FAM178B: variants seen among roughly 807,000 people sequenced by gnomAD.
The protein encoded by FAM178B is family with sequence similarity 178 member B, also known as protein FAM178B.
A neutral mutation model predicts 91.7 loss-of-function variants in FAM178B; 82 were observed. That is an observed-to-expected ratio of 0.89 (90% CI 0.75 to 1.07). FAM178B has a LOEUF of 1.07. Ranked by LOEUF, FAM178B falls within the 50% of genes least tolerant of loss-of-function variation. The pLI is 0.00. For missense variants in FAM178B, 769 were observed against 846.7 expected (o/e 0.91, Z 1.14); for synonymous variants, 368 against 359.4 (o/e 1.02, Z -0.27).
Position 96,921,179 on chromosome 2 carries a change from CAT to C in FAM178B, c.1546_1547del (p.Met516AspfsTer70). 1.3e-6 allele frequency: 2 copies of C among 1,551,444 alleles called. No homozygotes were observed. The highest frequency in any genetic ancestry group is 1.7e-6 in the Non-Finnish European group (2 of 1,146,932). On this transcript the variant is annotated frameshift_variant, in exon 12 of 17. Coordinates refer to ENST00000490605, the MANE Select transcript of FAM178B (RefSeq NM_001122646.3). LOFTEE classifies it high-confidence loss of function. Reference protein sequence around the residue: ...LLALVQFFPDMTSRSRRLRSQ... With the variant: ...LLALVQFFPDXTSRSRRLRSQ... Reference sequence around the variant, plus strand: ...GCAGCACGCACCTGCTCCGGGAGGTCATGTCTGGGAAGAACTGCACGAGGGCC... The same window carrying C: ...GCAGCACGCACCTGCTCCGGGAGGTCGTCTGGGAAGAACTGCACGAGGGCC...
At chr2:96,971,806 G>T in intron 3 of FAM178B, 95 bp downstream of exon 3, 1 of 1,173,122 alleles carries the variant, frequency 8.5e-7, no homozygotes, top group South Asian at 1.8e-5. Flanking sequence ...AGCAGCTGGG[G>T]CGTGGCTCAG....
chr2:96,958,067 CTTTTT>C (rs66515058), intron 6 of FAM178B, among the ~76,000 whole-genome samples: 5 of 101,380 alleles, frequency 4.9e-5, no homozygotes, highest in Non-Finnish European at 6.6e-5. Context: ...TTTGAAGAAT[CTTTTT>C]TTTTTTTTTT....
chr2:96,946,672 C>T (rs904713585), intron 8 of FAM178B, among the ~76,000 whole-genome samples: 25 of 152,268 alleles, frequency 1.6e-4, no homozygotes, highest in African/African-American at 5.8e-4. Flanking sequence ...AGTGGGGCAT[C>T]CCCTCTGCCT....
At chr2:96,907,684 C>T (rs911072900) in intron 12 of FAM178B, among the ~76,000 whole-genome samples, 2 of 152,250 alleles carry the variant, frequency 1.3e-5, no homozygotes, top group African/African-American at 4.8e-5. Flanking sequence ...AAACCCGCAG[C>T]AGGGCCAGAA....
At chr2:96,930,152 G>C (rs1024636160) in intron 8 of FAM178B, among the ~76,000 whole-genome samples, 1 of 124,486 alleles carries the variant, frequency 8.0e-6, no homozygotes, top group Non-Finnish European at 1.6e-5. Flanking sequence ...AGCTGACATA[G>C]AGCCACTGCA....
chr2:96,965,923 T>C (rs556038558), intron 5 of FAM178B, among the ~76,000 whole-genome samples: 1 of 152,116 alleles, frequency 6.6e-6, no homozygotes, highest in East Asian at 1.9e-4. Context: ...ATTTGCCCAC[T>C]CCTCAGTGTC....
chr2:96,965,770 C>T (rs1301253283), intron 5 of FAM178B, among the ~76,000 whole-genome samples: 1 of 152,008 alleles, frequency 6.6e-6, no homozygotes, highest in Non-Finnish European at 1.5e-5. Context: ...CCCAGCCTCC[C>T]CCAATTTATT....
chr2:96,918,529 G>A (rs994209762), intron 12 of FAM178B, among the ~76,000 whole-genome samples: 1 of 152,188 alleles, frequency 6.6e-6, no homozygotes, highest in African/African-American at 2.4e-5. Flanking sequence ...TGAGAATGCA[G>A]AAAAATATGC....
chr2:96,889,416 T>C (rs997699103), intron 14 of FAM178B, among the ~76,000 whole-genome samples: 1 of 152,078 alleles, frequency 6.6e-6, no homozygotes, highest in African/African-American at 2.4e-5. Context: ...CGGTGGCTCA[T>C]ACCTGTAATT....
intron 1 of FAM178B, among the ~76,000 whole-genome samples, chr2:96,985,935 C>T (rs570544304): frequency 6.6e-6 from 1 of 152,298 alleles, no homozygotes; most frequent in South Asian, 2.1e-4. Flanking sequence ...CCTTTGCACC[C>T]TGGGGAACAT....
intron 8 of FAM178B, 125 bp from the exon 9 acceptor site, chr2:96,929,445 A>T: frequency 1.5e-6 from 1 of 681,796 alleles, no homozygotes; most frequent in Non-Finnish European, 2.6e-6. Context: ...CTCTGACACC[A>T]CAGGTGTTAT....
intron 12 of FAM178B, among the ~76,000 whole-genome samples, chr2:96,911,540 CCT>C (rs1248303620): frequency 2.6e-5 from 4 of 152,194 alleles, no homozygotes; most frequent in Non-Finnish European, 5.9e-5. Context: ...GGCATTTCAC[CCT>C]GAGGGGGAAA....
In FAM178B at chr2:96,986,368, C is replaced by T; in HGVS notation, c.-55G>A. 1 of 1,519,998 alleles carries T rather than the reference C, an allele frequency of 6.6e-7. No homozygotes were observed. Among genetic ancestry groups the T allele is most frequent in the Non-Finnish European group, 8.8e-7 (1 of 1,140,190 alleles). 94.2% of individuals were successfully genotyped at this position (1,519,998 alleles called of 1,614,324 possible). A position where few individuals can be genotyped will look rare whatever the true frequency, so the allele number is the denominator to read the frequency against. On this transcript the variant is annotated 5_prime_UTR_variant, in exon 1 of 17. Transcript: ENST00000490605. ...GGGAGGGTGGCGGGAATTCGCACGGCCTCAGAGGACGGGGCCAGCTAGCCG... is the reference window on the plus strand; with the variant it reads ...GGGAGGGTGGCGGGAATTCGCACGGTCTCAGAGGACGGGGCCAGCTAGCCG...
intron 14 of FAM178B, among the ~76,000 whole-genome samples, chr2:96,887,071 C>T (rs1400089955): frequency 6.6e-6 from 1 of 152,080 alleles, no homozygotes; most frequent in Non-Finnish European, 1.5e-5. Context: ...AAAAATTAGC[C>T]AGGCGTGGTG....
intron 8 of FAM178B, among the ~76,000 whole-genome samples, chr2:96,930,243 A>AAAT (rs1559080293): frequency 1.4e-4 from 19 of 137,594 alleles, no homozygotes; most frequent in African/African-American, 4.7e-4. Flanking sequence ...AAAAAAAAAA[A>AAAT]ATCTGACCAC....
chr2:96,984,144 T>C (rs554247845), intron 1 of FAM178B, among the ~76,000 whole-genome samples: 5 of 152,156 alleles, frequency 3.3e-5, no homozygotes, highest in Admixed American at 3.3e-4. Context: ...TAATTTTTAG[T>C]AGTGATGGGG....
At chr2:96,894,309 C>T (rs1270560739) in intron 13 of FAM178B, among the ~76,000 whole-genome samples, 1 of 150,770 alleles carries the variant, frequency 6.6e-6, no homozygotes, top group Non-Finnish European at 1.5e-5. Flanking sequence ...CACCCACACA[C>T]ACACAGACCC....
chr2:96,944,241 C>CAAAAA (rs397868752), intron 8 of FAM178B, among the ~76,000 whole-genome samples: 1 of 56,950 alleles, frequency 1.8e-5, no homozygotes, highest in African/African-American at 5.1e-5. Flanking sequence ...GACTCCATCT[C>CAAAAA]AAAAAAAAAA....
At chr2:96,920,062 G>GA in intron 12 of FAM178B, among the ~76,000 whole-genome samples, 1 of 152,148 alleles carries the variant, frequency 6.6e-6, no homozygotes, top group Non-Finnish European at 1.5e-5. Context: ...AAAGTTGAGG[G>GA]GTAGGAAAGG....
Sources: allele counts gnomAD v4.1 joint callset (sites outside exome capture counted in the v4.1 genomes callset), GRCh38; gene constraint gnomAD v4.1.1; transcripts MANE v1.5; gene names NCBI Gene and HGNC (gene_info 2026-07-23, HGNC 2026-07-21).